The following EXTL3 variants were observed in gnomAD, a reference collection of about 807,000 sequenced individuals.
EXTL3 encodes the protein exostosin-like 3.
In EXTL3, 27 loss-of-function variants were observed where a neutral mutation model predicts 69.3. The observed-to-expected ratio is 0.39, with a 90% CI of 0.29 to 0.54. The LOEUF (loss-of-function observed/expected upper bound fraction) is 0.54, where lower values mean the gene tolerates loss of function less well. Among genes scored for constraint, EXTL3 ranks in the 20% least tolerant of loss-of-function variants. The probability of loss-of-function intolerance (pLI) is 0.69; values close to 1 mark genes in which losing one functional copy is unlikely to be tolerated. For synonymous variants in EXTL3, 511 were observed against 499.4 expected (o/e 1.02, Z -0.31); for missense variants, 1,003 against 1,231.8 (o/e 0.81, Z 2.78).
chr8:28,660,811 G>A (rs1381104426), intron 1 of EXTL3, among the ~76,000 whole-genome samples: 1 of 134,800 alleles, frequency 7.4e-6, no homozygotes, highest in Admixed American at 7.9e-5. Flanking sequence ...CCATGCTAAG[G>A]AAATAGCCCT....
intron 1 of EXTL3, among the ~76,000 whole-genome samples, chr8:28,675,010 C>T (rs921364488): frequency 2.6e-5 from 4 of 152,200 alleles, no homozygotes; most frequent in African/African-American, 9.7e-5. Context: ...ATGAGGTACA[C>T]TGTGTGACTG....
intron 2 of EXTL3, among the ~76,000 whole-genome samples, chr8:28,612,029 C>T (rs1183086793): frequency 1.3e-5 from 2 of 152,216 alleles, no homozygotes; most frequent in Non-Finnish European, 2.9e-5. Context: ...TGATGGCAGA[C>T]AGGAAGAACC....
At chr8:28,723,883 C>A (rs1445071550) in intron 3 of EXTL3, among the ~76,000 whole-genome samples, 1 of 152,046 alleles carries the variant, frequency 6.6e-6, no homozygotes, top group African/African-American at 2.4e-5. Flanking sequence ...CTTAGGTGAT[C>A]TGCCCATTTC....
At chr8:28,679,208 G>A (rs1221987488) in intron 1 of EXTL3, among the ~76,000 whole-genome samples, 2 of 152,238 alleles carry the variant, frequency 1.3e-5, no homozygotes, top group African/African-American at 4.8e-5. Flanking sequence ...AGCACTTTGG[G>A]AGGCTGAGGC....
At chr8:28,665,555 G>A (rs559982040) in intron 1 of EXTL3, among the ~76,000 whole-genome samples, 2 of 151,566 alleles carry the variant, frequency 1.3e-5, no homozygotes, top group Non-Finnish European at 2.9e-5. Flanking sequence ...GGGACTACAG[G>A]CACATGGCAC....
At chr8:28,643,515 C>T (rs921239020) in intron 1 of EXTL3, among the ~76,000 whole-genome samples, 11 of 151,534 alleles carry the variant, frequency 7.3e-5, no homozygotes, top group Middle Eastern at 3.2e-3. Flanking sequence ...CCCGGGTTTA[C>T]GCCATTCTCC....
chr8:28,649,068 T>C (rs1432976390), intron 1 of EXTL3, among the ~76,000 whole-genome samples: 1 of 152,114 alleles, frequency 6.6e-6, no homozygotes, highest in Non-Finnish European at 1.5e-5. Context: ...AAGGTTTTTT[T>C]GTTTTTGTTT....
chr8:28,713,109 C>T (rs768583998), intron 1 of EXTL3, among the ~76,000 whole-genome samples: 1 of 152,174 alleles, frequency 6.6e-6, no homozygotes, highest in Non-Finnish European at 1.5e-5. Context: ...ATCATTTCAT[C>T]TGTAAATATC....
At chr8:28,681,297 C>G (rs537589302) in intron 1 of EXTL3, among the ~76,000 whole-genome samples, 15 of 151,656 alleles carry the variant, frequency 9.9e-5, no homozygotes, top group African/African-American at 3.6e-4. Context: ...GGCAGATCAC[C>G]TGAGGTCAGG....
intron 6 of EXTL3, among the ~76,000 whole-genome samples, chr8:28,748,368 C>CA (rs34255549): frequency 0.31 from 39,276 of 127,808 alleles, 5,306 homozygotes; most frequent in Middle Eastern, 0.4. Context: ...GAGACTGTCT[C>CA]AAAAAAAAAA....
intron 4 of EXTL3, among the ~76,000 whole-genome samples, chr8:28,735,693 A>C (rs1801636417): frequency 6.6e-6 from 1 of 152,214 alleles, no homozygotes; most frequent in Non-Finnish European, 1.5e-5. Context: ...AACAGACCTA[A>C]GTTCAAAGGA....
chr8:28,689,976 C>T (rs536024945), intron 1 of EXTL3, among the ~76,000 whole-genome samples: 53 of 152,200 alleles, frequency 3.5e-4, no homozygotes, highest in African/African-American at 1.1e-3. Context: ...TTTGCTGATC[C>T]GATCTCTCTT....
At chr8:28,733,758 A>G (rs1801589953) in intron 4 of EXTL3, among the ~76,000 whole-genome samples, 1 of 150,036 alleles carries the variant, frequency 6.7e-6, no homozygotes, top group South Asian at 2.1e-4. Context: ...TAGCCTTTGT[A>G]TATCTTCTTT....
chr8:28,697,847 A>AC (rs1314745475), upstream of EXTL3: 4 of 151,960 alleles, frequency 2.6e-5, no homozygotes, highest in South Asian at 4.2e-4. Context: ...AAAAAAAAAA[A>AC]AAAACTACAT....
chr8:28,637,651 T>C (rs1265793657), intron 1 of EXTL3, among the ~76,000 whole-genome samples: 1 of 97,236 alleles, frequency 1.0e-5, no homozygotes, highest in Admixed American at 1.1e-4. Context: ...AAACAATCAA[T>C]CTGTGGATTG....
chr8:28,667,955 TTAGTC>T (rs201386672), intron 1 of EXTL3, among the ~76,000 whole-genome samples: 4,248 of 152,110 alleles, frequency 0.028, 76 homozygotes, highest in Non-Finnish European at 0.037. Context: ...CAGAATCTCT[TTAGTC>T]TAGGAGTTCA....
intron 1 of EXTL3, among the ~76,000 whole-genome samples, chr8:28,683,493 C>T (rs1014585351): frequency 2.0e-5 from 3 of 152,120 alleles, no homozygotes; most frequent in African/African-American, 7.2e-5. Context: ...CAATTATACT[C>T]TTTTAGTTAT....
chr8:28,717,113 T>A lies in EXTL3; in HGVS notation c.1054T>A (p.Ser352Thr), dbSNP rs975388869. The A allele has an allele frequency of 3.1e-6, 5 of 1,613,946 alleles. No individual in the cohort carries two copies. In the African/African-American group the frequency reaches 4.0e-5, roughly 13 times the overall value. ...LFTFQGEKIE[S>T]LRSSLQEARS... ...CACCTTCCAGGGCGAGAAGATTGAG[T>A]CTCTGAGGTCTAGCCTTCAGGAGGC... Residue 352 changes from serine to threonine, a missense_variant, in exon 3 of 7, where the codon TCT (serine) becomes ACT (threonine). Around this residue, in one of 2 missense-constraint regions of EXTL3, gnomAD observed 742 missense variants for 815.4 expected, o/e 0.91. Transcript: ENST00000220562. The surrounding 1 kb of genome is among the most constrained non-coding windows in gnomAD (Gnocchi z 8.3).
chr8:28,681,965 A>G (rs1288664248), intron 1 of EXTL3, among the ~76,000 whole-genome samples: 2 of 152,216 alleles, frequency 1.3e-5, no homozygotes, highest in Non-Finnish European at 2.9e-5. Flanking sequence ...AGGCTGAGGC[A>G]GGAGAATCGC....
Sources: gnomAD v4.1 joint callset for allele counts (sites outside exome capture counted in the v4.1 genomes callset) on GRCh38, gnomAD v4.1.1 for gene constraint, gnomAD v4.1.1 regional missense constraint, Gnocchi (gnomAD v3.1) non-coding constraint, MANE v1.5 for transcripts, NCBI Gene and HGNC (gene_info 2026-07-23, HGNC 2026-07-21) for gene names.